Variants in PLS1 observed in about 807,000 individuals in gnomAD.
PLS1 encodes the protein plastin-1.
A neutral mutation model predicts 73.7 loss-of-function variants in PLS1; 32 were observed. The ratio of observed to expected loss-of-function variants is 0.43; its 90% confidence interval spans 0.33 to 0.58. PLS1 has a LOEUF of 0.58. Ranked by LOEUF, PLS1 falls within the 20% of genes least tolerant of loss-of-function variation. The pLI, the probability that PLS1 is intolerant of heterozygous loss-of-function variation, is 0.04. For synonymous variants in PLS1, 217 were observed against 261.3 expected (o/e 0.83, Z 1.63); for missense variants, 633 against 740.5 (o/e 0.85, Z 1.68).
chr3:142,659,513 C>T (rs1296247107), intron 1 of PLS1, among the ~76,000 whole-genome samples: 1 of 151,520 alleles, frequency 6.6e-6, no homozygotes, highest in Non-Finnish European at 1.5e-5. Context: ...AATGTTTTAC[C>T]AAAATTGCCT....
chr3:142,641,617 C>G (rs369645323), intron 1 of PLS1, among the ~76,000 whole-genome samples: 1 of 151,738 alleles, frequency 6.6e-6, no homozygotes, highest in Non-Finnish European at 1.5e-5. Context: ...TCTTACAGTT[C>G]GTAATTTTTG....
chr3:142,634,257 A>G (rs1289674326), intron 1 of PLS1, among the ~76,000 whole-genome samples: 1 of 152,248 alleles, frequency 6.6e-6, no homozygotes, highest in Non-Finnish European at 1.5e-5. Flanking sequence ...AAATATTTGA[A>G]GAGATCATGG....
chr3:142,626,564 T>A (rs984716240), intron 1 of PLS1, among the ~76,000 whole-genome samples: 1 of 152,254 alleles, frequency 6.6e-6, no homozygotes, highest in Non-Finnish European at 1.5e-5. Context: ...TAGTACAATA[T>A]GTATGCAAGA....
At chr3:142,615,562 C>G (rs1218405962) in intron 1 of PLS1, among the ~76,000 whole-genome samples, 1 of 152,100 alleles carries the variant, frequency 6.6e-6, no homozygotes, top group East Asian at 1.9e-4. Flanking sequence ...CAACTTTATT[C>G]TTGGTGGAGG....
At chr3:142,704,827 T>C (rs2038423656) in intron 14 of PLS1, among the ~76,000 whole-genome samples, 1 of 149,826 alleles carries the variant, frequency 6.7e-6, no homozygotes, top group African/African-American at 2.5e-5. Context: ...TTTTTTTTTT[T>C]TTTTGTATTT....
chr3:142,610,177 T>C (rs909668399), intron 1 of PLS1, among the ~76,000 whole-genome samples: 23 of 152,216 alleles, frequency 1.5e-4, no homozygotes, highest in Non-Finnish European at 3.2e-4. Context: ...GTACTCTAAG[T>C]GTTTTATATG....
chr3:142,637,727 A>G (rs1472466443), intron 1 of PLS1, among the ~76,000 whole-genome samples: 1 of 152,162 alleles, frequency 6.6e-6, no homozygotes, highest in South Asian at 2.1e-4. Flanking sequence ...TCTCCTGTGT[A>G]TATGTGTATG....
chr3:142,605,553 T>G (rs1174653012), intron 1 of PLS1, among the ~76,000 whole-genome samples: 2 of 152,138 alleles, frequency 1.3e-5, no homozygotes, highest in Non-Finnish European at 2.9e-5. Context: ...GTATTTCTAG[T>G]AGAGACATGG....
At position 142,667,333 on chromosome 3, in the gene PLS1, T is replaced by G. The variant is rs2037500387; in HGVS notation, c.71-2057T>G. On this transcript the variant is annotated intron_variant, in intron 2 of 15. Transcript: ENST00000457734. ...GGGAGGCTGAGGCAGGAGAATCGCT[T>G]GAACCTGGGAGGCAGAGGTTGTAGT... 2.0e-5 allele frequency among the ~76,000 whole-genome samples: 3 copies of G among 152,098 alleles called. No individual in the cohort carries two copies. In the South Asian group the frequency reaches 6.2e-4, roughly 32 times the overall value.
chr3:142,617,397 G>GATC (rs1176504625), intron 1 of PLS1, among the ~76,000 whole-genome samples: 1 of 152,154 alleles, frequency 6.6e-6, no homozygotes, highest in Non-Finnish European at 1.5e-5. Context: ...TGGTGATAGT[G>GATC]ATCATCATAG....
chr3:142,659,229 G>A (rs1361057821), intron 1 of PLS1, among the ~76,000 whole-genome samples: 2 of 152,190 alleles, frequency 1.3e-5, no homozygotes, highest in African/African-American at 2.4e-5. Flanking sequence ...TGGCTGACCC[G>A]AGTCAGGGGC....
At chr3:142,688,553 C>T (rs531049468) in intron 9 of PLS1, among the ~76,000 whole-genome samples, 73 of 152,332 alleles carry the variant, frequency 4.8e-4, no homozygotes, top group Non-Finnish European at 9.1e-4. Context: ...CCTCGGTTTT[C>T]GCCCAGTGTG....
chr3:142,645,026 C>G (rs1236649375), intron 1 of PLS1, among the ~76,000 whole-genome samples: 1 of 152,198 alleles, frequency 6.6e-6, no homozygotes, highest in Non-Finnish European at 1.5e-5. Context: ...CTTCCAAACT[C>G]TAACCCGTTT....
At chr3:142,670,333 G>C (rs1335673022) in intron 3 of PLS1, among the ~76,000 whole-genome samples, 2 of 152,216 alleles carry the variant, frequency 1.3e-5, no homozygotes, top group Non-Finnish European at 2.9e-5. Context: ...CTGGAGCTGA[G>C]ATGGTAAGGG....
At chr3:142,596,835 G>A (rs889223652) in intron 1 of PLS1, among the ~76,000 whole-genome samples, 1 of 152,180 alleles carries the variant, frequency 6.6e-6, no homozygotes, top group African/African-American at 2.4e-5. Flanking sequence ...CTGCCGGTGA[G>A]GCTTTCTGAA....
At chr3:142,655,985 A>G (rs930826819) in intron 1 of PLS1, among the ~76,000 whole-genome samples, 3 of 152,122 alleles carry the variant, frequency 2.0e-5, no homozygotes, top group African/African-American at 7.2e-5. Context: ...TTTTTGAGAT[A>G]GAGTCTCACT....
At position 142,704,866 on chromosome 3, in the gene PLS1, G is replaced by T. The variant is rs190916902; in HGVS notation, c.1629+280G>T. ...GTAGACATGGGGTTTCACCATGTTAGCCAGGATGGTCTCGCTCTCCTGACC... is the reference window on the plus strand; with the variant it reads ...GTAGACATGGGGTTTCACCATGTTATCCAGGATGGTCTCGCTCTCCTGACC... On this transcript the variant is annotated intron_variant, in intron 14 of 15. Transcript: ENST00000457734. Among the ~76,000 whole-genome samples the T allele has an allele frequency of 3.6e-4, 54 of 149,016 alleles. No homozygotes were observed. In the East Asian group the frequency reaches 9.7e-3, roughly 27 times the overall value.
intron 4 of PLS1, among the ~76,000 whole-genome samples, chr3:142,675,452 G>A (rs2037701363): frequency 6.6e-6 from 1 of 151,728 alleles, no homozygotes; most frequent in African/African-American, 2.4e-5. Flanking sequence ...GCGCGATCTC[G>A]GTTCACTGCA....
At chr3:142,617,490 T>A (rs981432732) in intron 1 of PLS1, among the ~76,000 whole-genome samples, 3 of 152,100 alleles carry the variant, frequency 2.0e-5, no homozygotes, top group African/African-American at 7.2e-5. Flanking sequence ...TCTCAGGTAG[T>A]TGGTGGGAGA....
Sources: allele counts gnomAD v4.1 joint callset (sites outside exome capture counted in the v4.1 genomes callset), GRCh38; gene constraint gnomAD v4.1.1; transcripts MANE v1.5; gene names NCBI Gene and HGNC (gene_info 2026-07-23, HGNC 2026-07-21).